GRIA3: variants seen among roughly 807,000 people sequenced by gnomAD.
GRIA3 encodes the protein glutamate ionotropic receptor AMPA type subunit 3.
Under a neutral mutation model 63.0 loss-of-function variants are expected in GRIA3, and 3 were observed. That is an observed-to-expected ratio of 0.05 (90% confidence interval 0.02 to 0.12). The LOEUF (loss-of-function observed/expected upper bound fraction) is 0.12. GRIA3 is among the 10% of genes least tolerant of loss of function. The pLI is 1.00. For missense variants in GRIA3, 347 were observed against 700.9 expected, an observed-to-expected ratio of 0.50 and a Z score of 5.70; for synonymous variants, 274 against 257.9, an observed-to-expected ratio of 1.06 and a Z score of -0.60.
At chrX:123,341,520 T>G (rs866855774) in intron 4 of GRIA3, among the ~76,000 whole-genome samples, 5 of 110,555 alleles carry the variant, frequency 4.5e-5, no homozygotes, top group African/African-American at 9.9e-5. Context: ...AGCACCACAG[T>G]CTGTGCCAGC....
chrX:123,193,281 C>T (rs1927487620), intron 2 of GRIA3, among the ~76,000 whole-genome samples: 1 of 110,716 alleles, frequency 9.0e-6, no homozygotes, highest in Admixed American at 9.7e-5. Flanking sequence ...TTGCCATACC[C>T]CAAAGTGCCC....
At chrX:123,197,033 A>G (rs1397503624) in intron 2 of GRIA3, among the ~76,000 whole-genome samples, 1 of 112,156 alleles carries the variant, frequency 8.9e-6, no homozygotes, top group African/African-American at 3.2e-5. Flanking sequence ...TGGCCTTGGA[A>G]AACAGTAAAA....
rs1927265737 is a variant in GRIA3 at position 123,186,063 on chromosome X, T to C, written c.268+73T>C. 10 of 856,166 alleles carry C rather than the reference T, an allele frequency of 1.2e-5. No homozygotes were observed. In the South Asian group the frequency reaches 2.0e-4, roughly 17 times the overall value. 70.6% of individuals were successfully genotyped at this position (856,166 alleles called of 1,213,427 possible). On this transcript the variant is annotated intron_variant, in intron 2 of 15. Coordinates refer to ENST00000620443, the MANE Select transcript of GRIA3 (RefSeq NM_007325.5). ...TGCATCTTTCTTGTGGCACTTAGGG[T>C]CTGTGTATGTGCTGGGAGATGATTG... is the stretch of plus-strand genomic sequence containing the variant.
At chrX:123,323,840 T>C (rs1238376125) in intron 3 of GRIA3, among the ~76,000 whole-genome samples, 1 of 112,225 alleles carries the variant, frequency 8.9e-6, no homozygotes, top group Non-Finnish European at 1.9e-5. Flanking sequence ...ACGTTTTAGT[T>C]GAATCCAAGC....
At chrX:123,352,922 T>C (rs760378718) in intron 4 of GRIA3, among the ~76,000 whole-genome samples, 1 of 110,504 alleles carries the variant, frequency 9.0e-6, no homozygotes, top group Non-Finnish European at 1.9e-5. Context: ...AAGACATTTA[T>C]TAACCTTTCA....
chrX:123,458,142 T>C (rs920754556), intron 12 of GRIA3, among the ~76,000 whole-genome samples: 6 of 109,600 alleles, frequency 5.5e-5, no homozygotes, highest in African/African-American at 2.0e-4. Context: ...TTAGGACCAG[T>C]AGGTGACACT....
intron 5 of GRIA3, among the ~76,000 whole-genome samples, chrX:123,373,346 A>G (rs1026144117): frequency 5.4e-5 from 6 of 111,867 alleles, no homozygotes; most frequent in African/African-American, 1.9e-4. Flanking sequence ...GTGTCTTTAT[A>G]GTAGCATAAT....
In GRIA3 at chrX:123,384,586, T is replaced by C. The variant is rs923772237; in HGVS notation, c.751-10382T>C. On this transcript the variant is annotated intron_variant, in intron 5 of 15. Transcript: ENST00000620443. ...GTTGCAGTAAGCCGAGATCATGCCA[T>C]TGCACTCCAGCCTGGGCAACAGAGT... Among the ~76,000 whole-genome samples the C allele has an allele frequency of 1.5e-4, 17 of 111,935 alleles. 1 individual carries two copies. Among genetic ancestry groups the C allele is most frequent in the Admixed American group, 7.5e-4 (8 of 10,617 alleles).
chrX:123,328,213 T>G (rs762071978), intron 4 of GRIA3, among the ~76,000 whole-genome samples: 2 of 111,812 alleles, frequency 1.8e-5, no homozygotes, highest in South Asian at 3.8e-4. Context: ...ATCTACATAA[T>G]GGAGAAAATA....
chrX:123,221,855 G>A (rs1470242101), intron 2 of GRIA3, among the ~76,000 whole-genome samples: 2 of 111,170 alleles, frequency 1.8e-5, no homozygotes, highest in East Asian at 5.6e-4. Flanking sequence ...AAAAATCCAT[G>A]TTTTTTCCAA....
chrX:123,272,657 C>A (rs1292462610), intron 3 of GRIA3, among the ~76,000 whole-genome samples: 1 of 111,926 alleles, frequency 8.9e-6, no homozygotes, highest in African/African-American at 3.3e-5. Context: ...AAAATCAGTT[C>A]ATTATTTCAA....
intron 4 of GRIA3, among the ~76,000 whole-genome samples, chrX:123,353,368 G>A (rs1472168649): frequency 1.8e-5 from 2 of 111,869 alleles, no homozygotes; most frequent in Non-Finnish European, 3.8e-5. Context: ...TAGCTGTGTG[G>A]CCTTGGAAAA....
chrX:123,199,962 A>C lies in GRIA3; in HGVS notation c.268+13972A>C, dbSNP rs145400304. On this transcript the variant is annotated intron_variant, in intron 2 of 15. Coordinates refer to ENST00000620443, the MANE Select transcript of GRIA3 (RefSeq NM_007325.5). ...TGTGGATGAGGAAAATAAGAACAAG[A>C]AAGGAAAAGAGATTTGCCAAAGGTG... Among the ~76,000 whole-genome samples the C allele has an allele frequency of 1.8e-3, 206 of 111,794 alleles. 2 individuals carry two copies. The highest frequency in any genetic ancestry group is 6.4e-3 in the African/African-American group (198 of 30,753).
intron 13 of GRIA3, among the ~76,000 whole-genome samples, chrX:123,468,109 T>C (rs2045843930): frequency 8.9e-6 from 1 of 111,983 alleles, no homozygotes; most frequent in Admixed American, 9.5e-5. Flanking sequence ...TTCTCAACTA[T>C]GGATAATAGT....
At chrX:123,277,436 G>A (rs1373221477) in intron 3 of GRIA3, among the ~76,000 whole-genome samples, 1 of 111,321 alleles carries the variant, frequency 9.0e-6, no homozygotes, top group Admixed American at 9.6e-5. Flanking sequence ...GCTAGAAAAA[G>A]GGGTAGGAGT....
intron 5 of GRIA3, among the ~76,000 whole-genome samples, chrX:123,355,327 G>A (rs1422121310): frequency 8.9e-6 from 1 of 112,236 alleles, no homozygotes; most frequent in Non-Finnish European, 1.9e-5. Flanking sequence ...GTGCAGATCA[G>A]TACTGCATTT....
At chrX:123,326,577 G>A (rs1362809296) in intron 4 of GRIA3, among the ~76,000 whole-genome samples, 2 of 111,420 alleles carry the variant, frequency 1.8e-5, no homozygotes, top group African/African-American at 6.5e-5. Context: ...ACAGACAAGG[G>A]ACTAAGCAGT....
chrX:123,262,447 A>G (rs955364125), intron 3 of GRIA3, among the ~76,000 whole-genome samples: 4 of 111,466 alleles, frequency 3.6e-5, no homozygotes, highest in African/African-American at 6.5e-5. Flanking sequence ...GCTCTCAACA[A>G]AAAAATTATC....
chrX:123,192,148 C>A (rs763823012), intron 2 of GRIA3, among the ~76,000 whole-genome samples: 207 of 111,179 alleles, frequency 1.9e-3, no homozygotes, highest in African/African-American at 6.0e-3. Flanking sequence ...AAAGCCTTTG[C>A]GGGTAATTTG....
Sources: gnomAD v4.1 joint callset for allele counts (sites outside exome capture counted in the v4.1 genomes callset) on GRCh38, gnomAD v4.1.1 for gene constraint, MANE v1.5 for transcripts, NCBI Gene and HGNC (gene_info 2026-07-23, HGNC 2026-07-21) for gene names.